Variants in CHL1 observed in about 807,000 individuals in gnomAD.
CHL1 encodes the protein cell adhesion molecule L1 like, also known as neural cell adhesion molecule L1-like protein.
Under a neutral mutation model 141.9 loss-of-function variants are expected in CHL1, and 96 were observed. The ratio of observed to expected loss-of-function variants is 0.68; its 90% CI spans 0.57 to 0.80. The LOEUF (loss-of-function observed/expected upper bound fraction) is 0.80. Among genes scored for constraint, CHL1 ranks in the 30% least tolerant of loss-of-function variants. The probability of loss-of-function intolerance (pLI) is 0.00; values close to 1 mark genes in which losing one functional copy is unlikely to be tolerated. For synonymous variants in CHL1, 613 were observed against 502.2 expected (o/e 1.22, Z -2.95); for missense variants, 1,820 against 1,457.2 (o/e 1.25, Z -4.05).
At chr3:238,124 C>T (rs760933456) in intron 1 of CHL1, among the ~76,000 whole-genome samples, 4 of 152,062 alleles carry the variant, frequency 2.6e-5, no homozygotes, top group Non-Finnish European at 5.9e-5. Context: ...ATATTATGTG[C>T]CTCATGTATC....
intron 1 of CHL1, among the ~76,000 whole-genome samples, chr3:237,126 A>T (rs1483201797): frequency 1.3e-5 from 2 of 152,138 alleles, no homozygotes; most frequent in African/African-American, 2.4e-5. Flanking sequence ...TCTTATCTCA[A>T]ATTGTAATCC....
intron 10 of CHL1, among the ~76,000 whole-genome samples, chr3:351,471 G>A (rs1575138734): frequency 1.3e-5 from 2 of 152,096 alleles, no homozygotes; most frequent in South Asian, 2.1e-4. Context: ...AAGTGTGGAG[G>A]TAATAAATAA....
At chr3:352,703 G>C (rs1463900847) in intron 10 of CHL1, among the ~76,000 whole-genome samples, 1 of 152,110 alleles carries the variant, frequency 6.6e-6, no homozygotes, top group East Asian at 1.9e-4. Flanking sequence ...ACTTCTATAG[G>C]AGAAATGGAT....
chr3:293,805 A>AT (rs35981953), intron 2 of CHL1, among the ~76,000 whole-genome samples: 36,872 of 141,848 alleles, frequency 0.26, 4,825 homozygotes, highest in Middle Eastern at 0.41. Flanking sequence ...GCTGGAGAAG[A>AT]TTTTTTTTTT....
chr3:345,946 C>T (rs986608057), intron 9 of CHL1, among the ~76,000 whole-genome samples: 2 of 152,242 alleles, frequency 1.3e-5, no homozygotes, highest in East Asian at 1.9e-4. Flanking sequence ...ACTATCCTTC[C>T]GAACTTACGG....
chr3:255,588 T>C (rs1436750181), intron 2 of CHL1, among the ~76,000 whole-genome samples: 1 of 152,172 alleles, frequency 6.6e-6, no homozygotes, highest in Non-Finnish European at 1.5e-5. Context: ...TTTTATTCTA[T>C]TTTGGGCAAG....
rs781165674 is a variant in CHL1, at chr3:344,525, G to A, written c.728-64G>A. On this transcript the variant is annotated intron_variant, in intron 8 of 27. Transcript: ENST00000256509. ...GGATTTTTTGTTTTAAGAAAGATGTGGTGTCACAGAATTTTATGTATATTA... is the reference window on the plus strand; with the variant it reads ...GGATTTTTTGTTTTAAGAAAGATGTAGTGTCACAGAATTTTATGTATATTA... 11 of 1,233,568 alleles carry A rather than the reference G, an allele frequency of 8.9e-6. No homozygotes were observed. The East Asian group carries it at 1.7e-4, about 19-fold the overall frequency. 76.4% of individuals were successfully genotyped at this position (1,233,568 alleles called of 1,614,324 possible).
rs1202454466 is a variant in CHL1, at chr3:407,465, C to T, written c.*1754C>T. 6.6e-5 allele frequency: 10 copies of T among 152,052 alleles called. No individual in the cohort carries two copies. Among genetic ancestry groups the T allele is most frequent in the Non-Finnish European group, 2.9e-5 (2 of 68,028 alleles). The allele number at this position is 152,052 out of a possible 1,614,324, so 9.4% of individuals were successfully genotyped here. On this transcript the variant is annotated 3_prime_UTR_variant, in exon 28 of 28. Transcript: ENST00000256509. ...TGGGCTCAGGATCTGACCGCAGTCC[C>T]GGGAGTAAGCATTTCAAAGGGGGAA...
At chr3:377,272 T>C (rs1232492338) in intron 15 of CHL1, among the ~76,000 whole-genome samples, 1 of 152,164 alleles carries the variant, frequency 6.6e-6, no homozygotes, top group Non-Finnish European at 1.5e-5. Flanking sequence ...TTCAAATAAG[T>C]CATATGCTTC....
chr3:346,226 C>T (rs1191134989), intron 9 of CHL1, among the ~76,000 whole-genome samples: 1 of 152,154 alleles, frequency 6.6e-6, no homozygotes, highest in East Asian at 1.9e-4. Flanking sequence ...ATCAAAGTTG[C>T]TTGTCTGTCT....
At chr3:320,499 C>T (rs191223407) in intron 3 of CHL1, among the ~76,000 whole-genome samples, 18 of 151,822 alleles carry the variant, frequency 1.2e-4, no homozygotes, top group Admixed American at 2.6e-4. Flanking sequence ...TCAGTTTGAA[C>T]GAACCATGGT....
chr3:333,590 A>G (rs545010117), intron 5 of CHL1, among the ~76,000 whole-genome samples: 1 of 152,344 alleles, frequency 6.6e-6, no homozygotes, highest in East Asian at 1.9e-4. Context: ...TGTATTATCC[A>G]AGACATGGCA....
intron 2 of CHL1, among the ~76,000 whole-genome samples, chr3:257,999 C>T (rs746205800): frequency 7.2e-5 from 11 of 152,112 alleles, no homozygotes; most frequent in Admixed American, 3.3e-4. Flanking sequence ...GCAGCATGTT[C>T]GGTGGATTGG....
rs980719730 is a variant in CHL1 at position 294,328 on chromosome 3, T to C, written c.-94-25355T>C. 3.9e-5 allele frequency among the ~76,000 whole-genome samples: 6 copies of C among 152,034 alleles called. No homozygotes were observed. In the East Asian group the frequency reaches 1.2e-3, roughly 29 times the overall value. On this transcript the variant is annotated intron_variant, in intron 2 of 27. Coordinates refer to ENST00000256509, the MANE Select transcript of CHL1 (RefSeq NM_006614.4). ...AGCAAGACTCTTGTCTCAAAATAAA[T>C]AGGTACGTACATACCTACATACGTA...
chr3:259,343 A>G (rs1012866791), intron 2 of CHL1, among the ~76,000 whole-genome samples: 11 of 147,246 alleles, frequency 7.5e-5, no homozygotes, highest in African/African-American at 3.0e-4. Flanking sequence ...TGTGTGATAT[A>G]GTGGGGGTGG....
chr3:317,451 T>G (rs191723876), intron 2 of CHL1, among the ~76,000 whole-genome samples: 7 of 152,016 alleles, frequency 4.6e-5, no homozygotes, highest in Admixed American at 2.6e-4. Context: ...AATCTGGAAA[T>G]ACGATCTCCT....
At chr3:302,173 G>A (rs183244696) in intron 2 of CHL1, among the ~76,000 whole-genome samples, 8 of 152,310 alleles carry the variant, frequency 5.3e-5, no homozygotes, top group Non-Finnish European at 8.8e-5. Context: ...TTGGTTCCAA[G>A]TCTTTGCTAT....
intron 18 of CHL1, 83 bp from the exon 19 acceptor site, chr3:383,733 G>GT: frequency 1.2e-6 from 1 of 841,314 alleles, no homozygotes; most frequent in Non-Finnish European, 2.0e-6. Flanking sequence ...AATTATCTGT[G>GT]TTTTTGGGGG....
chr3:338,584 TAA>T (rs2125132248), intron 5 of CHL1, among the ~76,000 whole-genome samples: 1 of 152,294 alleles, frequency 6.6e-6, no homozygotes, highest in African/African-American at 2.4e-5. Context: ...AGTCAAAGGA[TAA>T]GACATAAAAA....
Sources: allele counts gnomAD v4.1 joint callset (sites outside exome capture counted in the v4.1 genomes callset), GRCh38; gene constraint gnomAD v4.1.1; transcripts MANE v1.5; gene names NCBI Gene and HGNC (gene_info 2026-07-23, HGNC 2026-07-21).